The following ST3GAL2 variants were observed in gnomAD, a reference collection of about 807,000 sequenced individuals.
The protein encoded by ST3GAL2 is ST3 beta-galactoside alpha-2,3-sialyltransferase 2.
ST3GAL2 carries 16 observed loss-of-function variants against 37.5 expected under a neutral mutation model. The observed-to-expected ratio is 0.43, with a 90% CI of 0.29 to 0.65. ST3GAL2 has a LOEUF of 0.65. Among genes scored for constraint, ST3GAL2 ranks in the 30% least tolerant of loss-of-function variants. The pLI, the probability that ST3GAL2 is intolerant of heterozygous loss-of-function variation, is 0.17. For missense variants in ST3GAL2, 383 were observed against 487.8 expected, an observed-to-expected ratio of 0.79 and a Z score of 2.02; for synonymous variants, 238 against 202.9, an observed-to-expected ratio of 1.17 and a Z score of -1.47.
At chr16:70,383,458 G>C (rs1467314367) in intron 4 of ST3GAL2, among the ~76,000 whole-genome samples, 1 of 151,096 alleles carries the variant, frequency 6.6e-6, no homozygotes, top group Non-Finnish European at 1.5e-5. Context: ...GTGGAGCACA[G>C]CTGTTATCCC....
At chr16:70,397,575 A>T (rs1417298727) in intron 2 of ST3GAL2, among the ~76,000 whole-genome samples, 1 of 151,924 alleles carries the variant, frequency 6.6e-6, no homozygotes, top group South Asian at 2.1e-4. Context: ...AATACAAAAA[A>T]ATTAGCTGAG....
rs778063840 is a variant in ST3GAL2 at position 70,399,196 on chromosome 16, T to C, written c.-666A>G. Reference sequence around the variant, plus strand: ...TCGAGATCCTTTCCGCAGTAGGTCTTGCCCTTCTGCTTCCCATCTGAGGTG... The same window carrying C: ...TCGAGATCCTTTCCGCAGTAGGTCTCGCCCTTCTGCTTCCCATCTGAGGTG... On this transcript the variant is annotated 5_prime_UTR_variant, in exon 2 of 7. Coordinates refer to ENST00000342907, the MANE Select transcript of ST3GAL2 (RefSeq NM_006927.4). 2.0e-5 allele frequency: 8 copies of C among 398,746 alleles called. No homozygotes were observed. Among genetic ancestry groups the C allele is most frequent in the Non-Finnish European group, 3.5e-5 (8 of 226,242 alleles). The allele number at this position is 398,746 out of a possible 1,614,324, so 24.7% of individuals were successfully genotyped here. A position where few individuals can be genotyped will look rare whatever the true frequency, so the allele number is the denominator to read the frequency against.
chr16:70,438,052 G>A (rs1025168497), intron 1 of ST3GAL2, among the ~76,000 whole-genome samples: 1 of 152,230 alleles, frequency 6.6e-6, no homozygotes, highest in African/African-American at 2.4e-5. Context: ...AAGCAAGAGG[G>A]AAGATGGGAG....
At chr16:70,419,835 C>A (rs1272241127) in intron 1 of ST3GAL2, among the ~76,000 whole-genome samples, 3 of 152,148 alleles carry the variant, frequency 2.0e-5, no homozygotes, top group Non-Finnish European at 2.9e-5. Context: ...ATCTTTCAGT[C>A]CTCCTGCCCA....
intron 1 of ST3GAL2, among the ~76,000 whole-genome samples, chr16:70,404,305 G>A (rs1479079705): frequency 1.3e-5 from 2 of 152,152 alleles, no homozygotes; most frequent in African/African-American, 4.8e-5. Context: ...AGAAAGTTTC[G>A]AGAATGAAGG....
At chr16:70,420,013 C>CA (rs143145918) in intron 1 of ST3GAL2, among the ~76,000 whole-genome samples, 12,205 of 146,788 alleles carry the variant, frequency 0.083, 1,555 homozygotes, top group African/African-American at 0.3. Context: ...ACCATTTGAC[C>CA]CCCCCCTTCC....
chr16:70,399,120 G>A lies in ST3GAL2; in HGVS notation c.-590C>T, dbSNP rs576123728. 6 of 400,248 alleles carry A rather than the reference G, an allele frequency of 1.5e-5. No individual in the cohort carries two copies. In the Admixed American group the frequency reaches 2.6e-4, roughly 17 times the overall value. The allele number at this position is 400,248 out of a possible 1,614,324, so 24.8% of individuals were successfully genotyped here. ...GAGGGGAGCCAGACCCCAACCCTGA[G>A]AGGACAAAAACAGGAAGCTCTGTGA... On this transcript the variant is annotated 5_prime_UTR_variant, in exon 2 of 7. Transcript: ENST00000342907.
intron 1 of ST3GAL2, among the ~76,000 whole-genome samples, chr16:70,415,459 A>G (rs2047669876): frequency 6.6e-6 from 1 of 152,192 alleles, no homozygotes; most frequent in Admixed American, 6.6e-5. Context: ...TTCACAAGAT[A>G]ATATATTGCA....
At chr16:70,402,416 AAGAGT>A (rs2047562424) in intron 1 of ST3GAL2, among the ~76,000 whole-genome samples, 1 of 152,206 alleles carries the variant, frequency 6.6e-6, no homozygotes, top group Admixed American at 6.5e-5. Flanking sequence ...ATCGAGCAAA[AAGAGT>A]AGTCATGGAT....
rs565084912 is a variant in ST3GAL2 at position 70,409,052 on chromosome 16, G to T, written c.-1003-9519C>A. ...GATCCACCACCTGCTACCTCAGGAG[G>T]GAGCCCCACTGTGTTTTGAGTCGGA... On this transcript the variant is annotated intron_variant, in intron 1 of 6. Transcript: ENST00000342907. Among the ~76,000 whole-genome samples, 3 of 152,110 alleles carry T rather than the reference G, an allele frequency of 2.0e-5. No homozygotes were observed. In the South Asian group the frequency reaches 6.3e-4, roughly 32 times the overall value.
intron 1 of ST3GAL2, among the ~76,000 whole-genome samples, chr16:70,425,387 A>G (rs2047742837): frequency 6.6e-6 from 1 of 152,056 alleles, no homozygotes; most frequent in East Asian, 1.9e-4. Context: ...GCTTGAACCC[A>G]GGAGGCAGAG....
chr16:70,401,929 G>A (rs1160242515), intron 1 of ST3GAL2, among the ~76,000 whole-genome samples: 1 of 150,332 alleles, frequency 6.7e-6, no homozygotes, highest in Non-Finnish European at 1.5e-5. Flanking sequence ...AGGAGGCGGA[G>A]GTTGCAGTGC....
rs1262299054 is a variant in ST3GAL2, at chr16:70,406,959, A to AG, written c.-1003-7427dup. ...GGAGCAGCACGAGATGATGGCATCG[A>AG]GTGTCGTCCTGGAGGGGGGCTACCT... On this transcript the variant is annotated intron_variant, in intron 1 of 6. Transcript: ENST00000342907. Among the ~76,000 whole-genome samples, 3 of 152,132 alleles carry AG rather than the reference A, an allele frequency of 2.0e-5. No individual in the cohort carries two copies. In the South Asian group the frequency reaches 6.2e-4, roughly 31 times the overall value.
chr16:70,394,833 T>C, intron 3 of ST3GAL2, 149 bp downstream of exon 3: 1 of 866,124 alleles, frequency 1.2e-6, no homozygotes, highest in Non-Finnish European at 1.8e-6. Flanking sequence ...AGGAGAGAGC[T>C]CCAAGCCTGC....
chr16:70,428,457 T>C (rs2151679516), intron 1 of ST3GAL2, among the ~76,000 whole-genome samples: 1 of 152,292 alleles, frequency 6.6e-6, no homozygotes, highest in East Asian at 1.9e-4. Context: ...CAAACTGCCA[T>C]TAACAACCCC....
At chr16:70,394,567 A>G (rs1326448061) in intron 3 of ST3GAL2, among the ~76,000 whole-genome samples, 1 of 152,144 alleles carries the variant, frequency 6.6e-6, no homozygotes, top group Non-Finnish European at 1.5e-5. Context: ...TTGTAGACAC[A>G]GGGTTTCGCC....
intron 1 of ST3GAL2, among the ~76,000 whole-genome samples, chr16:70,434,300 G>A (rs904516656): frequency 1.3e-5 from 2 of 152,116 alleles, no homozygotes; most frequent in African/African-American, 2.4e-5. Context: ...AGCTGGCTGT[G>A]GTGGTGCGTG....
intron 1 of ST3GAL2, among the ~76,000 whole-genome samples, chr16:70,408,892 A>AAAC (rs2047613828): frequency 1.4e-4 from 3 of 21,980 alleles, no homozygotes; most frequent in African/African-American, 7.0e-4. Flanking sequence ...CAAAGAAACA[A>AAAC]AAAAAAAAAA....
intron 1 of ST3GAL2, among the ~76,000 whole-genome samples, chr16:70,411,434 C>T (rs1320864452): frequency 6.6e-6 from 1 of 151,882 alleles, no homozygotes; most frequent in African/African-American, 2.4e-5. Flanking sequence ...TTCCTTTCTC[C>T]TAGGATCTCT....
Sources: gnomAD v4.1 joint callset for allele counts (sites outside exome capture counted in the v4.1 genomes callset) on GRCh38, gnomAD v4.1.1 for gene constraint, MANE v1.5 for transcripts, NCBI Gene and HGNC (gene_info 2026-07-23, HGNC 2026-07-21) for gene names.